DACH2: variants seen among roughly 807,000 people sequenced by gnomAD.
DACH2 encodes the protein dachshund family transcription factor 2.
In DACH2, 17 loss-of-function variants were observed where a neutral mutation model predicts 35.8. That is an observed-to-expected ratio of 0.48 (90% confidence interval 0.33 to 0.71). DACH2 has a LOEUF of 0.71. DACH2 is among the 30% of genes least tolerant of loss of function. The pLI is 0.02. For missense variants in DACH2, 469 were observed against 472.7 expected (o/e 0.99, Z 0.07); for synonymous variants, 195 against 177.3 (o/e 1.10, Z -0.79).
At chrX:86,370,820 A>G (rs927197669) in intron 1 of DACH2, among the ~76,000 whole-genome samples, 5 of 111,741 alleles carry the variant, frequency 4.5e-5, no homozygotes, top group Non-Finnish European at 9.4e-5. Context: ...AATATCATTG[A>G]AAATATTAGT....
At chrX:86,431,307 T>C (rs2036981625) in intron 2 of DACH2, among the ~76,000 whole-genome samples, 1 of 111,724 alleles carries the variant, frequency 9.0e-6, no homozygotes, top group Non-Finnish European at 1.9e-5. Flanking sequence ...TTATTTAAGG[T>C]TGAAGTAATA....
At chrX:86,485,881 A>C (rs1375119701) in intron 2 of DACH2, among the ~76,000 whole-genome samples, 1 of 111,609 alleles carries the variant, frequency 9.0e-6, no homozygotes, top group African/African-American at 3.3e-5. Flanking sequence ...CTGATGTATC[A>C]TTGTAGTGGT....
chrX:86,392,462 C>T (rs2036219649), intron 2 of DACH2, among the ~76,000 whole-genome samples: 1 of 111,461 alleles, frequency 9.0e-6, no homozygotes, highest in South Asian at 3.8e-4. Context: ...CTCAATTACT[C>T]GTGGTAAGAG....
intron 3 of DACH2, among the ~76,000 whole-genome samples, chrX:86,642,293 C>T (rs1241148502): frequency 9.0e-6 from 1 of 111,216 alleles, no homozygotes; most frequent in Non-Finnish European, 1.9e-5. Flanking sequence ...CAGAAAAAAA[C>T]AGGAGTTGCA....
chrX:86,812,206 C>G (rs2042401048), intron 7 of DACH2, among the ~76,000 whole-genome samples: 1 of 111,604 alleles, frequency 9.0e-6, no homozygotes, highest in South Asian at 3.7e-4. Context: ...ACAAAAAAAC[C>G]ATGTATCGTA....
At chrX:86,307,870 C>A (rs980254856) in intron 1 of DACH2, among the ~76,000 whole-genome samples, 31 of 111,705 alleles carry the variant, frequency 2.8e-4, no homozygotes, top group Non-Finnish European at 1.9e-4. Flanking sequence ...ATGGTGGAAG[C>A]AACATAGAAT....
At chrX:86,319,333 A>G (rs1351826294) in intron 1 of DACH2, among the ~76,000 whole-genome samples, 3 of 112,157 alleles carry the variant, frequency 2.7e-5, no homozygotes, top group African/African-American at 9.7e-5. Flanking sequence ...GCCTTCTTAT[A>G]ATCTTTAACT....
At chrX:86,714,960 A>G (rs1416962971) in intron 6 of DACH2, among the ~76,000 whole-genome samples, 1 of 111,749 alleles carries the variant, frequency 8.9e-6, no homozygotes, top group Non-Finnish European at 1.9e-5. Context: ...AATCATGTGC[A>G]CAGTGTGGGG....
intron 2 of DACH2, among the ~76,000 whole-genome samples, chrX:86,475,346 A>T (rs962776563): frequency 9.0e-6 from 1 of 111,413 alleles, no homozygotes; most frequent in African/African-American, 3.3e-5. Context: ...TTTTTTGTGT[A>T]TGTGTCCTCT....
chrX:86,521,525 A>G (rs1242777263), intron 3 of DACH2, among the ~76,000 whole-genome samples: 4 of 111,782 alleles, frequency 3.6e-5, no homozygotes, highest in Non-Finnish European at 7.5e-5. Context: ...TACTCCTTGG[A>G]TTCAAGCTTT....
intron 3 of DACH2, among the ~76,000 whole-genome samples, chrX:86,639,147 T>A (rs989286396): frequency 3.6e-5 from 4 of 111,223 alleles, no homozygotes; most frequent in Non-Finnish European, 7.5e-5. Context: ...AAACACAACA[T>A]CTTCAACTGT....
intron 1 of DACH2, among the ~76,000 whole-genome samples, chrX:86,256,574 TGAACGTAGAAGA>T (rs1265270227): frequency 8.9e-6 from 1 of 111,764 alleles, no homozygotes; most frequent in African/African-American, 3.3e-5. Context: ...TGCATCTGAC[TGAACGTAGAAGA>T]GAATTCAGTT....
intron 1 of DACH2, among the ~76,000 whole-genome samples, chrX:86,180,910 C>G (rs1370067242): frequency 9.0e-6 from 1 of 111,220 alleles, no homozygotes; most frequent in Non-Finnish European, 1.9e-5. Context: ...TAGATTTCTA[C>G]AGTGAAGACA....
At chrX:86,525,070 G>T (rs1414626552) in intron 3 of DACH2, among the ~76,000 whole-genome samples, 1 of 111,519 alleles carries the variant, frequency 9.0e-6, no homozygotes, top group Non-Finnish European at 1.9e-5. Context: ...TTTTTAAGAA[G>T]CTCAGTGACT....
At chrX:86,729,263 G>A (rs2041505820) in intron 6 of DACH2, among the ~76,000 whole-genome samples, 1 of 112,175 alleles carries the variant, frequency 8.9e-6, no homozygotes, top group African/African-American at 3.2e-5. Flanking sequence ...GCCCTGCAGG[G>A]TTTTGAACTT....
At chrX:86,830,739 T>G (rs918189827) in intron 11 of DACH2, 1 of 111,629 alleles carries the variant, frequency 9.0e-6, no homozygotes, top group East Asian at 2.8e-4. Context: ...GATTTAAGCT[T>G]TAGCTATATT....
At chrX:86,337,969 A>G (rs1047964137) in intron 1 of DACH2, among the ~76,000 whole-genome samples, 1 of 112,054 alleles carries the variant, frequency 8.9e-6, no homozygotes, top group Admixed American at 9.5e-5. Flanking sequence ...AAAGAGACAA[A>G]GAAGGGCATT....
In DACH2 at chrX:86,813,258, A is replaced by G; in HGVS notation, c.1518A>G (p.Ala506=). Residue 506 remains alanine, a synonymous_variant, in exon 9 of 12, where the codon GCA becomes GCG. Coordinates refer to ENST00000373125, the MANE Select transcript of DACH2 (RefSeq NM_053281.3). ...EIRENLERQL[A]VELQSRTTMQ... Reference sequence around the variant, plus strand: ...GAGAAAACCTTGAAAGACAACTTGCAGTTGAGCTTCAAAGCAGAAGTAAGT... The same window carrying G: ...GAGAAAACCTTGAAAGACAACTTGCGGTTGAGCTTCAAAGCAGAAGTAAGT... The G allele has an allele frequency of 8.3e-7, 1 of 1,199,741 alleles. No individual in the cohort carries two copies. The highest frequency in any genetic ancestry group is 2.4e-4 in the Middle Eastern group (1 of 4,248).
At chrX:86,566,983 C>T (rs924511371) in intron 3 of DACH2, among the ~76,000 whole-genome samples, 2 of 111,763 alleles carry the variant, frequency 1.8e-5, no homozygotes, top group Non-Finnish European at 3.8e-5. Flanking sequence ...TATGTATGAA[C>T]TCCGTTGACC....
Sources: allele counts gnomAD v4.1 joint callset (sites outside exome capture counted in the v4.1 genomes callset), GRCh38; gene constraint gnomAD v4.1.1; transcripts MANE v1.5; gene names NCBI Gene and HGNC (gene_info 2026-07-23, HGNC 2026-07-21).